The following CCDC191 variants were observed in gnomAD, a reference collection of about 807,000 sequenced individuals.
CCDC191 encodes coiled-coil domain containing 191.
A neutral mutation model predicts 114.0 loss-of-function variants in CCDC191; 99 were observed. The ratio of observed to expected loss-of-function variants is 0.87; its 90% CI spans 0.74 to 1.03. The LOEUF is 1.03. Among genes scored for constraint, CCDC191 ranks in the 50% least tolerant of loss-of-function variants. The pLI is 0.00. For synonymous variants in CCDC191, 351 were observed against 376.0 expected (o/e 0.93, Z 0.77); for missense variants, 973 against 1,087.0 (o/e 0.90, Z 1.47).
intron 4 of CCDC191, among the ~76,000 whole-genome samples, chr3:114,042,010 GAA>G (rs2076568775): frequency 6.6e-6 from 1 of 151,978 alleles, no homozygotes; most frequent in Admixed American, 6.6e-5. Context: ...AAAAAAACTA[GAA>G]AAGTAATAAC....
Position 113,998,939 on chromosome 3 carries a change from T to A in CCDC191, c.2163+2656A>T, listed in dbSNP as rs535289852. ...AGCAATGGGCCCATGCTCACGGAATTCACTGGCCTTACTATGTTCCCTACC... is the reference window on the plus strand; with the variant it reads ...AGCAATGGGCCCATGCTCACGGAATACACTGGCCTTACTATGTTCCCTACC... On this transcript the variant is annotated intron_variant, in intron 13 of 16. Transcript: ENST00000295878. Among the ~76,000 whole-genome samples the A allele has an allele frequency of 2.0e-5, 3 of 152,298 alleles. No homozygotes were observed. The South Asian group carries it at 6.2e-4, about 32-fold the overall frequency.
chr3:114,046,784 GT>G lies in CCDC191; in HGVS notation c.130-53del, dbSNP rs1169237683. On this transcript the variant is annotated intron_variant, in intron 2 of 16. Transcript: ENST00000295878. ...ATAAAGATGACAACAAATTTGTTCA[GT>G]TAGAGAATTTCTCTCCTACTCAAGA... 5 of 1,527,330 alleles carry G rather than the reference GT, an allele frequency of 3.3e-6. No homozygotes were observed. In the South Asian group the frequency reaches 6.4e-5, roughly 20 times the overall value. 94.6% of individuals were successfully genotyped at this position (1,527,330 alleles called of 1,614,324 possible).
At chr3:113,999,810 C>T (rs1188395697) in intron 13 of CCDC191, among the ~76,000 whole-genome samples, 5 of 152,180 alleles carry the variant, frequency 3.3e-5, no homozygotes, top group Non-Finnish European at 7.3e-5. Flanking sequence ...CTTTCTATCA[C>T]AGTATTTAAG....
chr3:113,964,926 T>C lies in CCDC191; in HGVS notation c.*229A>G, dbSNP rs1939958499. ...ATAGGATATATTTGAACAGACGATCTCTAGAATGTTCCTTTGGATGATCCC... is the reference window on the plus strand; with the variant it reads ...ATAGGATATATTTGAACAGACGATCCCTAGAATGTTCCTTTGGATGATCCC... On this transcript the variant is annotated 3_prime_UTR_variant, in exon 17 of 17. Coordinates refer to ENST00000295878, the MANE Select transcript of CCDC191 (RefSeq NM_020817.2). The C allele has an allele frequency of 2.8e-6, 1 of 358,494 alleles. No individual in the cohort carries two copies. Among genetic ancestry groups the C allele is most frequent in the African/African-American group, 2.1e-5 (1 of 47,804 alleles). 22.2% of individuals were successfully genotyped at this position (358,494 alleles called of 1,614,324 possible).
intron 12 of CCDC191, among the ~76,000 whole-genome samples, chr3:114,002,019 G>GA (rs1413669800): frequency 6.6e-6 from 1 of 152,048 alleles, no homozygotes; most frequent in Non-Finnish European, 1.5e-5. Context: ...AGTTTAGGGG[G>GA]AAAAAGGTTT....
In CCDC191 at chr3:113,978,998, GTTC is replaced by G; in HGVS notation, c.2317_2319del (p.Glu773del). The G allele has an allele frequency of 6.2e-7, 1 of 1,613,530 alleles. No individual in the cohort carries two copies. The highest frequency in any genetic ancestry group is 8.5e-7 in the Non-Finnish European group (1 of 1,179,786). On this transcript the variant is annotated inframe_deletion, in exon 15 of 17. Transcript: ENST00000295878. The stretch of plus-strand genomic sequence containing the variant: ...TTCCTCTGCAGGAACAAAGAGTAAT[GTTC>G]TTCTGCCACCTGGACAATTTTTTAA...
chr3:114,022,440 G>C (rs116022757), intron 7 of CCDC191, among the ~76,000 whole-genome samples: 2 of 152,128 alleles, frequency 1.3e-5, no homozygotes, highest in Non-Finnish European at 1.5e-5. Context: ...AAAGCTCAGT[G>C]ATAATTGCAT....
intron 8 of CCDC191, among the ~76,000 whole-genome samples, chr3:114,015,862 C>A (rs894236251): frequency 6.6e-5 from 10 of 152,158 alleles, no homozygotes; most frequent in African/African-American, 1.7e-4. Context: ...AAGCAAGATG[C>A]ATTTTTAGAA....
intron 7 of CCDC191, among the ~76,000 whole-genome samples, chr3:114,024,623 TCTCA>T (rs528872523): frequency 1.6e-3 from 248 of 152,126 alleles, no homozygotes; most frequent in Non-Finnish European, 2.4e-3. Context: ...CACCGCATGT[TCTCA>T]CTCATAGATG....
rs187658281 is a variant in CCDC191 at position 113,972,025 on chromosome 3, T to G, written c.2606+6161A>C. The stretch of plus-strand genomic sequence containing the variant: ...TATTTTTGATGTCTCAGTTGTTATG[T>G]CTCCTTTTTCATTTCTGATTTTGAG... On this transcript the variant is annotated intron_variant, in intron 16 of 16. Transcript: ENST00000295878. 5.0e-3 allele frequency among the ~76,000 whole-genome samples: 758 copies of G among 152,242 alleles called. 8 individuals carry two copies. Among genetic ancestry groups the G allele is most frequent in the African/African-American group, 0.017 (720 of 41,582 alleles).
chr3:114,049,808 A>AT (rs973647084), intron 2 of CCDC191, among the ~76,000 whole-genome samples: 11 of 152,058 alleles, frequency 7.2e-5, no homozygotes, highest in Middle Eastern at 3.2e-3. Flanking sequence ...CATCCTTAAT[A>AT]TTTTTTTTCA....
Position 114,056,516 on chromosome 3 carries a change from C to T in CCDC191, c.-50G>A, listed in dbSNP as rs1311002343. 1.2e-6 allele frequency: 2 copies of T among 1,612,842 alleles called. No homozygotes were observed. The highest frequency in any genetic ancestry group is 1.7e-6 in the Non-Finnish European group (2 of 1,180,004). ...GGCCAAAGCTGCAGCAACCGCCCTT[C>T]TGCCCGGGCTGCCTCCGGGTCACGC... On this transcript the variant is annotated 5_prime_UTR_variant, in exon 1 of 17. Coordinates refer to ENST00000295878, the MANE Select transcript of CCDC191 (RefSeq NM_020817.2).
rs572508208 is a variant in CCDC191, at chr3:114,027,438, ACTCCGT to A, written c.972+4182_972+4187del. ...AGAACAGCCTGGCCAACATGGTGAA[ACTCCGT>A]CTCTACTAAAGATACAAAAATTAGC... On this transcript the variant is annotated intron_variant, in intron 7 of 16. Coordinates refer to ENST00000295878, the MANE Select transcript of CCDC191 (RefSeq NM_020817.2). Among the ~76,000 whole-genome samples, 4 of 133,086 alleles carry A rather than the reference ACTCCGT, an allele frequency of 3.0e-5. No homozygotes were observed. The South Asian group carries it at 1.0e-3, about 35-fold the overall frequency. 87.3% of individuals were successfully genotyped at this position (133,086 alleles called of 152,430 possible). A position where few individuals can be genotyped will look rare whatever the true frequency, so the allele number is the denominator to read the frequency against.
chr3:114,036,930 AT>A (rs1191470987), intron 4 of CCDC191, 144 bp from the exon 5 acceptor site: 7 of 462,950 alleles, frequency 1.5e-5, no homozygotes, highest in Non-Finnish European at 2.1e-5. Flanking sequence ...ATGGCAACTG[AT>A]TGAGTATAGC....
At chr3:114,027,128 G>A (rs2076331320) in intron 7 of CCDC191, among the ~76,000 whole-genome samples, 1 of 152,220 alleles carries the variant, frequency 6.6e-6, no homozygotes, top group Admixed American at 6.5e-5. Context: ...AAATGGGATA[G>A]GCTGGAAGTA....
At chr3:114,022,312 G>A (rs1443008954) in intron 7 of CCDC191, among the ~76,000 whole-genome samples, 1 of 152,100 alleles carries the variant, frequency 6.6e-6, no homozygotes, top group Non-Finnish European at 1.5e-5. Flanking sequence ...ACGTTAGGTG[G>A]AACAGCAATT....
In CCDC191 at chr3:113,980,689, A is replaced by T; in HGVS notation, c.2268T>A (p.Pro756=). ...TGCTTTGCATTCTCAATCTCTTCCA[A>T]GGCTCTAGACCTTTTTTCCTTAGCA... ...RVLLRKKGLE[P]WKRLRMQSKQ... is the part of the protein sequence containing the mutation. Residue 756 remains proline, a synonymous_variant, in exon 14 of 17, where the codon CCT becomes CCA. Transcript: ENST00000295878. 6.2e-7 allele frequency: 1 copy of T among 1,604,798 alleles called. No homozygotes were observed. Among genetic ancestry groups the T allele is most frequent in the Non-Finnish European group, 8.5e-7 (1 of 1,177,468 alleles).
At chr3:113,989,683 T>C (rs2075491136) in intron 13 of CCDC191, among the ~76,000 whole-genome samples, 1 of 152,068 alleles carries the variant, frequency 6.6e-6, no homozygotes, top group Non-Finnish European at 1.5e-5. Context: ...CAGCAGTAAA[T>C]TCACACACTA....
intron 16 of CCDC191, among the ~76,000 whole-genome samples, chr3:113,976,944 C>G (rs1479746474): frequency 6.6e-5 from 10 of 152,186 alleles, no homozygotes; most frequent in African/African-American, 2.4e-4. Flanking sequence ...ACTTGCTTAT[C>G]TGTTTTCCCA....
Sources: gnomAD v4.1 joint callset for allele counts (sites outside exome capture counted in the v4.1 genomes callset) on GRCh38, gnomAD v4.1.1 for gene constraint, MANE v1.5 for transcripts, NCBI Gene and HGNC (gene_info 2026-07-23, HGNC 2026-07-21) for gene names.